GRID1: variants seen among roughly 807,000 people sequenced by gnomAD.
GRID1 encodes glutamate ionotropic receptor delta type subunit 1, also known as glutamate receptor ionotropic, delta-1.
A neutral mutation model predicts 98.0 loss-of-function variants in GRID1; 28 were observed. The ratio of observed to expected loss-of-function variants is 0.29; its 90% CI spans 0.21 to 0.39. The LOEUF (loss-of-function observed/expected upper bound fraction) is 0.39, where lower values mean the gene tolerates loss of function less well. Ranked by LOEUF, GRID1 falls within the 10% of genes least tolerant of loss-of-function variation. The probability of loss-of-function intolerance (pLI) is 1.00; values close to 1 mark genes in which losing one functional copy is unlikely to be tolerated. For missense variants in GRID1, 1,111 were observed against 1,340.5 expected, an observed-to-expected ratio of 0.83 and a Z score of 2.67; for synonymous variants, 553 against 538.5, an observed-to-expected ratio of 1.03 and a Z score of -0.37.
intron 4 of GRID1, among the ~76,000 whole-genome samples, chr10:86,080,445 AGGGGAGGGGAGGGG>A (rs1843958259): frequency 6.0e-5 from 1 of 16,802 alleles, no homozygotes; most frequent in Non-Finnish European, 9.6e-5. Flanking sequence ...AGGGGAGGGG[AGGGGAGGGGAGGGG>A]AGGGGAGGGA....
intron 4 of GRID1, among the ~76,000 whole-genome samples, chr10:85,986,152 C>T (rs1463130653): frequency 2.6e-5 from 4 of 152,348 alleles, no homozygotes; most frequent in East Asian, 1.9e-4. Context: ...TCGTAACTTA[C>T]GGATGGATTG....
chr10:86,146,346 A>G (rs2131977257), intron 3 of GRID1, among the ~76,000 whole-genome samples: 1 of 152,288 alleles, frequency 6.6e-6, no homozygotes, highest in African/African-American at 2.4e-5. Context: ...ATTTCTTCCC[A>G]GATGTACTTT....
At chr10:85,958,290 C>A (rs1260445373) in intron 4 of GRID1, among the ~76,000 whole-genome samples, 1 of 152,220 alleles carries the variant, frequency 6.6e-6, no homozygotes, top group African/African-American at 2.4e-5. Context: ...ACTACCTGCC[C>A]CTCACCCACA....
At chr10:86,350,022 G>T (rs1476935465) in intron 2 of GRID1, among the ~76,000 whole-genome samples, 2 of 152,262 alleles carry the variant, frequency 1.3e-5, no homozygotes, top group African/African-American at 4.8e-5. Flanking sequence ...GAGGAGGTAA[G>T]ATCAGAGGCA....
chr10:85,920,173 CT>C (rs572405422), intron 4 of GRID1, among the ~76,000 whole-genome samples: 2 of 152,088 alleles, frequency 1.3e-5, no homozygotes, highest in Non-Finnish European at 2.9e-5. Flanking sequence ...TGCTGTCTTT[CT>C]TTTTTTAAGT....
At chr10:85,985,761 G>A (rs1473948022) in intron 4 of GRID1, among the ~76,000 whole-genome samples, 1 of 152,166 alleles carries the variant, frequency 6.6e-6, no homozygotes, top group Non-Finnish European at 1.5e-5. Context: ...GGTGGTGGGG[G>A]TCCCATGTCT....
chr10:85,967,545 G>A (rs528917269), intron 4 of GRID1, among the ~76,000 whole-genome samples: 1 of 152,294 alleles, frequency 6.6e-6, no homozygotes, highest in African/African-American at 2.4e-5. Flanking sequence ...CTTTAAGTCA[G>A]CTATTAAAAA....
chr10:85,722,299 A>G (rs1841712856), intron 12 of GRID1, among the ~76,000 whole-genome samples: 1 of 152,210 alleles, frequency 6.6e-6, no homozygotes, highest in Admixed American at 6.5e-5. Flanking sequence ...ATTGAAGCCA[A>G]TATTGTACCC....
intron 4 of GRID1, among the ~76,000 whole-genome samples, chr10:86,098,544 A>T (rs1844252837): frequency 6.6e-6 from 1 of 152,100 alleles, no homozygotes; most frequent in Non-Finnish European, 1.5e-5. Flanking sequence ...CTCTGGAGAG[A>T]CTCCTAGAAA....
chr10:85,848,458 A>G (rs948277408), intron 8 of GRID1, among the ~76,000 whole-genome samples: 3 of 152,154 alleles, frequency 2.0e-5, no homozygotes, highest in South Asian at 2.1e-4. Flanking sequence ...TCCACTGAAA[A>G]AATCATAGTT....
intron 12 of GRID1, among the ~76,000 whole-genome samples, chr10:85,653,522 G>A (rs1840854915): frequency 6.6e-6 from 1 of 152,180 alleles, no homozygotes; most frequent in Admixed American, 6.5e-5. Context: ...ATTTACCTGG[G>A]GACCTTCCAG....
chr10:86,019,582 C>T (rs1843023007), intron 4 of GRID1, among the ~76,000 whole-genome samples: 1 of 152,194 alleles, frequency 6.6e-6, no homozygotes, highest in Admixed American at 6.5e-5. Context: ...CATGCTAGGC[C>T]CTTTGCAGAT....
intron 2 of GRID1, among the ~76,000 whole-genome samples, chr10:86,237,231 T>C (rs1367578589): frequency 6.6e-6 from 1 of 152,172 alleles, no homozygotes; most frequent in Non-Finnish European, 1.5e-5. Flanking sequence ...CTTATTTGGA[T>C]ACAGGGTCTG....
intron 2 of GRID1, among the ~76,000 whole-genome samples, chr10:86,291,927 G>T (rs921811997): frequency 7.2e-5 from 11 of 152,212 alleles, no homozygotes; most frequent in African/African-American, 2.7e-4. Flanking sequence ...AAGTTACCCA[G>T]CCAGGGCCCT....
intron 15 of GRID1, 22 bp downstream of exon 15, chr10:85,613,385 G>C (rs777316358): frequency 5.0e-6 from 8 of 1,601,748 alleles, no homozygotes; most frequent in Non-Finnish European, 6.0e-6. Context: ...GTGAAAGGGA[G>C]GGCAGGCCCC....
intron 4 of GRID1, among the ~76,000 whole-genome samples, chr10:86,032,496 C>T (rs1165865233): frequency 6.6e-6 from 1 of 152,190 alleles, no homozygotes; most frequent in South Asian, 2.1e-4. Context: ...ATTCTTCTGC[C>T]TTGGGATGCT....
At position 85,982,483 on chromosome 10, in the gene GRID1, G is replaced by A. The variant is rs536463376; in HGVS notation, c.727-66244C>T. ...GGTGAAGTGCAACCATCCCGAGGACGCCTGTGGCCATTGTCCATCAGGTGA... is the reference window on the plus strand; with the variant it reads ...GGTGAAGTGCAACCATCCCGAGGACACCTGTGGCCATTGTCCATCAGGTGA... On this transcript the variant is annotated intron_variant, in intron 4 of 15. Coordinates refer to ENST00000327946, the MANE Select transcript of GRID1 (RefSeq NM_017551.3). Among the ~76,000 whole-genome samples, 87 of 152,308 alleles carry A rather than the reference G, an allele frequency of 5.7e-4. No individual in the cohort carries two copies. The Middle Eastern group carries it at 0.01, about 18-fold the overall frequency.
chr10:86,019,731 T>C (rs942329125), intron 4 of GRID1, among the ~76,000 whole-genome samples: 1 of 151,542 alleles, frequency 6.6e-6, no homozygotes, highest in African/African-American at 2.4e-5. Flanking sequence ...TAGTGGCAGG[T>C]CAGGATTCAA....
Position 85,851,469 on chromosome 10 carries a change from G to A in GRID1, c.1233+3027C>T, listed in dbSNP as rs576243464. Among the ~76,000 whole-genome samples, 17 of 152,280 alleles carry A rather than the reference G, an allele frequency of 1.1e-4. No individual in the cohort carries two copies. In the South Asian group the frequency reaches 1.5e-3, roughly 13 times the overall value. On this transcript the variant is annotated intron_variant, in intron 8 of 15. Coordinates refer to ENST00000327946, the MANE Select transcript of GRID1 (RefSeq NM_017551.3). ...GTCCAGCACCCTGCAGTTGAAAGGC[G>A]ATCACCCACTCCTTCCCTCCAATGA...
Sources: gnomAD v4.1 joint callset for allele counts (sites outside exome capture counted in the v4.1 genomes callset) on GRCh38, gnomAD v4.1.1 for gene constraint, MANE v1.5 for transcripts, NCBI Gene and HGNC (gene_info 2026-07-23, HGNC 2026-07-21) for gene names.